Variants in ACAT1 observed in about 807,000 individuals in gnomAD.
ACAT1 encodes acetyl-CoA acetyltransferase, mitochondrial.
Under a neutral mutation model 47.3 loss-of-function variants are expected in ACAT1, and 28 were observed. The observed-to-expected ratio is 0.59, with a 90% CI of 0.44 to 0.81. The LOEUF (loss-of-function observed/expected upper bound fraction) is 0.81. ACAT1 is among the 30% of genes least tolerant of loss of function. ACAT1 has a pLI of 0.00. For missense variants in ACAT1, 469 were observed against 524.3 expected (o/e 0.89, Z 1.03); for synonymous variants, 181 against 173.6 (o/e 1.04, Z -0.34).
intron 1 of ACAT1, among the ~76,000 whole-genome samples, chr11:108,124,595 T>C (rs1333194109): frequency 1.3e-5 from 2 of 152,138 alleles, no homozygotes; most frequent in Admixed American, 1.3e-4. Context: ...CTTTTTCTAA[T>C]CTTACCCTAG....
chr11:108,146,383 C>G (rs376618970), intron 11 of ACAT1, 24 bp downstream of exon 11: 5 of 1,611,372 alleles, frequency 3.1e-6, no homozygotes, highest in Non-Finnish European at 4.2e-6. Flanking sequence ...ATAACTATAT[C>G]TAGGTTAAGA....
chr11:108,140,338 A>T lies in ACAT1; in HGVS notation c.730+123A>T. 4 of 1,137,198 alleles carry T rather than the reference A, an allele frequency of 3.5e-6. No individual in the cohort carries two copies. The South Asian group carries it at 5.2e-5, about 15-fold the overall frequency. The allele number at this position is 1,137,198 out of a possible 1,614,324, so 70.4% of individuals were successfully genotyped here. A position where few individuals can be genotyped will look rare whatever the true frequency, so the allele number is the denominator to read the frequency against. On this transcript the variant is annotated intron_variant, in intron 7 of 11. Transcript: ENST00000265838. Reference sequence around the variant, plus strand: ...ACTGCTTATGGTTAATAAAAAGTGAAGAGTTGCCAGTTCAGAGAGAATATA... The same window carrying T: ...ACTGCTTATGGTTAATAAAAAGTGATGAGTTGCCAGTTCAGAGAGAATATA...
At chr11:108,122,291 G>A (rs917638877) in intron 1 of ACAT1, among the ~76,000 whole-genome samples, 1 of 152,222 alleles carries the variant, frequency 6.6e-6, no homozygotes, top group Non-Finnish European at 1.5e-5. Flanking sequence ...TCTTCTGACC[G>A]TTGTGTTTAG....
chr11:108,120,895 CA>C (rs34606160), upstream of ACAT1, among the ~76,000 whole-genome samples: 87,841 of 149,418 alleles, frequency 0.59, 26,120 homozygotes, highest in East Asian at 0.89. Flanking sequence ...CTAGTCTCTA[CA>C]AAAAAAAAAA....
At chr11:108,147,090 T>TAAGA (rs2077729476) in intron 11 of ACAT1, among the ~76,000 whole-genome samples, 180 bp from the exon 12 acceptor site, 1 of 152,074 alleles carries the variant, frequency 6.6e-6, no homozygotes, top group Non-Finnish European at 1.5e-5. Flanking sequence ...AAAAATGATC[T>TAAGA]AAGATCTGTG....
chr11:108,147,427 C>T lies in ACAT1; in HGVS notation c.*37C>T. On this transcript the variant is annotated 3_prime_UTR_variant, in exon 12 of 12. Transcript: ENST00000265838. ...TATTTAAGGAGACAACCCTATGTGA[C>T]CAGAAGGCCTGCTGTAATCAGTGTG... The T allele has an allele frequency of 6.3e-7, 1 of 1,593,378 alleles. No homozygotes were observed. The highest frequency in any genetic ancestry group is 8.6e-7 in the Non-Finnish European group (1 of 1,164,556).
chr11:108,126,623 A>T (rs999931644), intron 1 of ACAT1, among the ~76,000 whole-genome samples: 5 of 151,962 alleles, frequency 3.3e-5, no homozygotes, highest in African/African-American at 1.2e-4. Context: ...GGAACAAGAG[A>T]TGGTGGCTTG....
At chr11:108,137,978 C>T (rs1004973763) in intron 5 of ACAT1, among the ~76,000 whole-genome samples, 4 of 151,804 alleles carry the variant, frequency 2.6e-5, no homozygotes, top group African/African-American at 9.7e-5. Flanking sequence ...GATGGTTTTA[C>T]ATGAAAGATT....
chr11:108,116,968 G>C (rs1223525675), upstream of ACAT1, among the ~76,000 whole-genome samples: 1 of 152,092 alleles, frequency 6.6e-6, no homozygotes. Context: ...TGCAATCTTA[G>C]GAAACAAATA....
At chr11:108,117,905 A>G (rs983672082), upstream of ACAT1, among the ~76,000 whole-genome samples, 1 of 152,148 alleles carries the variant, frequency 6.6e-6, no homozygotes, top group Non-Finnish European at 1.5e-5. Context: ...GCTTTATTTT[A>G]TCAATATTTT....
At position 108,146,379 on chromosome 11, in the gene ACAT1, A is replaced by ATATC. The variant is rs1565297989; in HGVS notation, c.1163+23_1163+26dup. The ATATC allele has an allele frequency of 6.2e-7, 1 of 1,612,238 alleles. No homozygotes were observed. The highest frequency in any genetic ancestry group is 1.7e-5 in the Admixed American group (1 of 60,010). ...AATTGGGTAGGTAAAAATAATAACTATATCTAGGTTAAGAGCTGCCTTTGT... is the reference window on the plus strand; with the variant it reads ...AATTGGGTAGGTAAAAATAATAACTATATCTATCTAGGTTAAGAGCTGCCTTTGT... On this transcript the variant is annotated intron_variant, in intron 11 of 11. Transcript: ENST00000265838.
At chr11:108,146,815 C>G (rs962620592) in intron 11 of ACAT1, among the ~76,000 whole-genome samples, 1 of 152,212 alleles carries the variant, frequency 6.6e-6, no homozygotes, top group South Asian at 2.1e-4. Flanking sequence ...GGCACGGTGG[C>G]TCACGCCTGT....
intron 1 of ACAT1, chr11:108,129,310 T>C (rs2077311933): frequency 6.6e-6 from 1 of 152,338 alleles, no homozygotes; most frequent in Middle Eastern, 3.4e-3. Context: ...GCTGGTTCCA[T>C]ATTTTTGCAA....
chr11:108,131,354 AT>A (rs397951009), intron 1 of ACAT1, among the ~76,000 whole-genome samples: 3,508 of 62,688 alleles, frequency 0.056, 456 homozygotes, highest in African/African-American at 0.16. Flanking sequence ...AAGACTTGGA[AT>A]TTTTTTTTTT....
At chr11:108,137,431 T>TA (rs1469404759) in intron 5 of ACAT1, among the ~76,000 whole-genome samples, 1 of 152,210 alleles carries the variant, frequency 6.6e-6, no homozygotes, top group Non-Finnish European at 1.5e-5. Context: ...TGATCAGACT[T>TA]ACATTCTAGC....
At position 108,146,260 on chromosome 11, in the gene ACAT1, C is replaced by T; in HGVS notation, c.1064C>T (p.Ala355Val). The T allele has an allele frequency of 1.2e-6, 2 of 1,613,566 alleles. No homozygotes were observed. Among genetic ancestry groups the T allele is most frequent in the African/African-American group, 2.7e-5 (2 of 74,972 alleles). ...EDIAMWEVNE[A>V]FSLVVLANIK... ...ATTGCAATGTGGGAAGTAAATGAAG[C>T]CTTTAGTCTGGTTGTACTAGCAAAC... The change falls in exon 11 of 12, where the codon GCC (alanine) becomes GTC (valine). Residue 355 changes from alanine (A) to valine (V), a missense_variant. Ala to Val is a moderately conservative substitution (Grantham distance 64, BLOSUM62 0). Transcript: ENST00000265838.
At chr11:108,123,486 T>C (rs1395117050) in intron 1 of ACAT1, among the ~76,000 whole-genome samples, 2 of 152,178 alleles carry the variant, frequency 1.3e-5, no homozygotes, top group African/African-American at 4.8e-5. Context: ...GTCTCTTTTA[T>C]GGTCAACAAA....
chr11:108,125,053 G>A (rs1422850556), intron 1 of ACAT1, among the ~76,000 whole-genome samples: 3 of 152,156 alleles, frequency 2.0e-5, no homozygotes, highest in Non-Finnish European at 4.4e-5. Flanking sequence ...CTTTCAGACT[G>A]TCTTCAAATA....
At position 108,144,072 on chromosome 11, in the gene ACAT1, C is replaced by T. The variant is rs10890819; in HGVS notation, c.1005+25C>T. ...GGTGAGAACAAAGTGAGGGGCGATACTCCATTATGCTAGCTTCTGGTTTGC... is the reference window on the plus strand; with the variant it reads ...GGTGAGAACAAAGTGAGGGGCGATATTCCATTATGCTAGCTTCTGGTTTGC... On this transcript the variant is annotated intron_variant, in intron 10 of 11. Coordinates refer to ENST00000265838, the MANE Select transcript of ACAT1 (RefSeq NM_000019.4). The T allele has an allele frequency of 0.33, 514,601 of 1,547,296 alleles. 87,237 individuals are homozygous for T. Among genetic ancestry groups the T allele is most frequent in the South Asian group, 0.49 (44,171 of 90,546 alleles).
Sources: allele counts gnomAD v4.1 joint callset (sites outside exome capture counted in the v4.1 genomes callset), GRCh38; gene constraint gnomAD v4.1.1; transcripts MANE v1.5; gene names NCBI Gene and HGNC (gene_info 2026-07-23, HGNC 2026-07-21).